NPAS3: variants seen among roughly 807,000 people sequenced by gnomAD.
NPAS3 encodes the protein neuronal PAS domain protein 3, also known as neuronal PAS domain-containing protein 3.
A neutral mutation model predicts 73.1 loss-of-function variants in NPAS3; 14 were observed. The observed-to-expected ratio is 0.19, with a 90% CI of 0.13 to 0.30. The LOEUF (loss-of-function observed/expected upper bound fraction) is 0.30, where lower values mean the gene tolerates loss of function less well. Ranked by LOEUF, NPAS3 falls within the 10% of genes least tolerant of loss-of-function variation. The pLI, the probability that NPAS3 is intolerant of heterozygous loss-of-function variation, is 1.00. For synonymous variants in NPAS3, 620 were observed against 541.5 expected (o/e 1.14, Z -2.01); for missense variants, 1,096 against 1,250.0 (o/e 0.88, Z 1.86).
intron 3 of NPAS3, among the ~76,000 whole-genome samples, chr14:33,218,814 A>G (rs1190125140): frequency 6.6e-6 from 1 of 152,204 alleles, no homozygotes; most frequent in African/African-American, 2.4e-5. Context: ...AAGGTCCTTT[A>G]CTGTGCCCTG....
chr14:33,460,759 A>G (rs575633257), intron 4 of NPAS3, among the ~76,000 whole-genome samples: 8 of 152,234 alleles, frequency 5.3e-5, no homozygotes, highest in African/African-American at 1.9e-4. Context: ...TGCTATTCAG[A>G]TACTTAAAGA....
intron 1 of NPAS3, among the ~76,000 whole-genome samples, chr14:32,950,465 T>C (rs1163043859): frequency 6.6e-6 from 1 of 152,096 alleles, no homozygotes; most frequent in Non-Finnish European, 1.5e-5. Flanking sequence ...TAGGGTTTAA[T>C]TTCATACATG....
At chr14:33,536,781 T>A (rs1338353553) in intron 4 of NPAS3, among the ~76,000 whole-genome samples, 2 of 152,174 alleles carry the variant, frequency 1.3e-5, no homozygotes, top group African/African-American at 4.8e-5. Context: ...GTAGCCAAGT[T>A]TTTCTATGTT....
chr14:33,358,792 C>A (rs144008255), intron 3 of NPAS3, among the ~76,000 whole-genome samples: 1 of 152,352 alleles, frequency 6.6e-6, no homozygotes, highest in African/African-American at 2.4e-5. Flanking sequence ...TAGCTTTCTT[C>A]TGCCAACGTA....
rs147069985 is a variant in NPAS3, at chr14:33,509,806, A to G, written c.469-50315A>G. Among the ~76,000 whole-genome samples, 72 of 152,218 alleles carry G rather than the reference A, an allele frequency of 4.7e-4. No homozygotes were observed. In the East Asian group the frequency reaches 0.012, roughly 25 times the overall value. On this transcript the variant is annotated intron_variant, in intron 4 of 11. Transcript: ENST00000356141. ...AAAGCTCTTTATGACTCTTTAGTCC[A>G]TAGAGCCTATATAGATAGACGCTAT...
At chr14:33,682,384 A>G (rs889717615) in intron 6 of NPAS3, among the ~76,000 whole-genome samples, 4 of 152,184 alleles carry the variant, frequency 2.6e-5, no homozygotes, top group African/African-American at 9.7e-5. Context: ...ACCCAAAGAG[A>G]TCATCATTTA....
chr14:33,704,133 C>T (rs1006486137), intron 6 of NPAS3, among the ~76,000 whole-genome samples: 2 of 152,124 alleles, frequency 1.3e-5, no homozygotes, highest in African/African-American at 4.8e-5. Context: ...ATATTATTGC[C>T]CATTACCTTG....
chr14:33,406,056 A>G (rs565288439), intron 4 of NPAS3, among the ~76,000 whole-genome samples: 1 of 152,276 alleles, frequency 6.6e-6, no homozygotes, highest in African/African-American at 2.4e-5. Flanking sequence ...TAAGCAATGA[A>G]GAAGAAAAAC....
At chr14:32,982,888 T>C (rs1424592477) in intron 1 of NPAS3, among the ~76,000 whole-genome samples, 1 of 152,184 alleles carries the variant, frequency 6.6e-6, no homozygotes, top group Non-Finnish European at 1.5e-5. Flanking sequence ...ACTTGCAGTT[T>C]TGCTTATTGT....
At chr14:33,790,271 G>A (rs1482735185) in intron 9 of NPAS3, among the ~76,000 whole-genome samples, 1 of 152,036 alleles carries the variant, frequency 6.6e-6, no homozygotes, top group Non-Finnish European at 1.5e-5. Flanking sequence ...CCCGCAAAAG[G>A]AATTTTATGA....
At chr14:33,290,612 G>A (rs982515976) in intron 3 of NPAS3, among the ~76,000 whole-genome samples, 2 of 152,170 alleles carry the variant, frequency 1.3e-5, no homozygotes, top group Non-Finnish European at 2.9e-5. Flanking sequence ...TAATCAACTG[G>A]TTGTTAGTCC....
intron 4 of NPAS3, among the ~76,000 whole-genome samples, chr14:33,446,018 TTTCTC>T (rs1369836482): frequency 6.6e-6 from 1 of 151,956 alleles, no homozygotes; most frequent in Non-Finnish European, 1.5e-5. Flanking sequence ...GAAATCTAGT[TTTCTC>T]TTATCTTTTT....
intron 4 of NPAS3, among the ~76,000 whole-genome samples, chr14:33,434,786 A>G (rs1159452867): frequency 6.6e-6 from 1 of 152,232 alleles, no homozygotes; most frequent in East Asian, 1.9e-4. Context: ...TTTTGTTTAA[A>G]TAAATAAAAA....
At chr14:33,331,711 CA>C (rs2043995272) in intron 3 of NPAS3, among the ~76,000 whole-genome samples, 1 of 152,180 alleles carries the variant, frequency 6.6e-6, no homozygotes, top group Non-Finnish European at 1.5e-5. Flanking sequence ...TGACAGAGGA[CA>C]AAAGGGCTTC....
chr14:33,171,689 C>T (rs955240169), intron 2 of NPAS3, among the ~76,000 whole-genome samples: 4 of 152,158 alleles, frequency 2.6e-5, no homozygotes, highest in East Asian at 1.9e-4. Flanking sequence ...TTTTCACTTT[C>T]GTATTATTTG....
chr14:33,075,794 G>A (rs2041639231), intron 2 of NPAS3, among the ~76,000 whole-genome samples: 1 of 152,162 alleles, frequency 6.6e-6, no homozygotes, highest in Admixed American at 6.5e-5. Flanking sequence ...TCAGTAAACT[G>A]TATTTTCTGA....
intron 2 of NPAS3, among the ~76,000 whole-genome samples, chr14:33,178,374 A>T (rs954007598): frequency 2.6e-5 from 4 of 152,142 alleles, no homozygotes; most frequent in Non-Finnish European, 5.9e-5. Context: ...CACCCGGCCG[A>T]AGTGAATCTT....
At chr14:33,223,666 T>C (rs538431935) in intron 3 of NPAS3, among the ~76,000 whole-genome samples, 1 of 152,322 alleles carries the variant, frequency 6.6e-6, no homozygotes, top group African/African-American at 2.4e-5. Context: ...TTGAGACTAA[T>C]AGTCTTCCTT....
chr14:33,214,443 A>T, intron 2 of NPAS3: 1 of 152,348 alleles, frequency 6.6e-6, no homozygotes, highest in Non-Finnish European at 1.5e-5. Flanking sequence ...TTTCAATATT[A>T]AATTTATATT....
Sources: gnomAD v4.1 joint callset for allele counts (sites outside exome capture counted in the v4.1 genomes callset) on GRCh38, gnomAD v4.1.1 for gene constraint, MANE v1.5 for transcripts, NCBI Gene and HGNC (gene_info 2026-07-23, HGNC 2026-07-21) for gene names.